The following KIAA1549L variants were observed in gnomAD, a reference collection of about 807,000 sequenced individuals.
The protein encoded by KIAA1549L is KIAA1549 like.
A neutral mutation model predicts 160.7 loss-of-function variants in KIAA1549L; 88 were observed. That is an observed-to-expected ratio of 0.55 (90% confidence interval 0.46 to 0.65). KIAA1549L has a LOEUF of 0.65. Ranked by LOEUF, KIAA1549L falls within the 30% of genes least tolerant of loss-of-function variation. KIAA1549L has a pLI of 0.00. For synonymous variants in KIAA1549L, 950 were observed against 976.7 expected (o/e 0.97, Z 0.51); for missense variants, 2,258 against 2,437.5 (o/e 0.93, Z 1.55).
At chr11:33,451,583 A>C (rs1851721872) in intron 1 of KIAA1549L, among the ~76,000 whole-genome samples, 1 of 152,200 alleles carries the variant, frequency 6.6e-6, no homozygotes, top group South Asian at 2.1e-4. Flanking sequence ...CTCTGAGTTA[A>C]TTTGTTTGCT....
In KIAA1549L at chr11:33,551,226, C is replaced by T. The variant is rs775182028; in HGVS notation, c.3688C>T (p.Pro1230Ser). The T allele has an allele frequency of 4.3e-6, 7 of 1,613,532 alleles. 1 individual carries two copies. Among genetic ancestry groups the T allele is most frequent in the African/African-American group, 4.0e-5 (3 of 75,036 alleles). ...SVAVLASPWNPQPAGYFQLKT... is the reference protein window; with the variant it reads ...SVAVLASPWNSQPAGYFQLKT... ...GGCAGTACTTGCCTCCCCATGGAAT[C>T]CCCAGCCTGCAGGCTACTTCCAGCT... Residue 1230 changes from proline to serine, a missense_variant, in exon 5 of 21, where the codon CCC becomes TCC. Physicochemically the swap from Pro to Ser is moderately conservative, Grantham distance 74. Transcript: ENST00000658780.
At chr11:33,615,282 C>A (rs1258007471) in intron 15 of KIAA1549L, among the ~76,000 whole-genome samples, 1 of 152,054 alleles carries the variant, frequency 6.6e-6, no homozygotes, top group Non-Finnish European at 1.5e-5. Context: ...TCTGTGGAAC[C>A]CCAGGGTTCC....
chr11:33,614,531 G>GCCATATATAT (rs879500574), intron 15 of KIAA1549L, among the ~76,000 whole-genome samples: 10 of 27,112 alleles, frequency 3.7e-4, no homozygotes, highest in South Asian at 2.0e-3. Context: ...AGTGTAACAA[G>GCCATATATAT]ATATATATAT....
chr11:33,497,792 A>G (rs976531126), intron 1 of KIAA1549L, among the ~76,000 whole-genome samples: 6 of 152,236 alleles, frequency 3.9e-5, no homozygotes, highest in Non-Finnish European at 8.8e-5. Context: ...TGTTGAAGAA[A>G]TATGTGTACA....
chr11:33,442,886 T>A (rs1590248376), intron 1 of KIAA1549L, among the ~76,000 whole-genome samples: 1 of 152,204 alleles, frequency 6.6e-6, no homozygotes, highest in Non-Finnish European at 1.5e-5. Context: ...TGCTGCACTC[T>A]GGGTAATTTC....
At chr11:33,442,478 G>A (rs1330176025) in intron 1 of KIAA1549L, among the ~76,000 whole-genome samples, 1 of 152,180 alleles carries the variant, frequency 6.6e-6, no homozygotes, top group African/African-American at 2.4e-5. Flanking sequence ...GTAGCTGACA[G>A]TTATTTTCTC....
chr11:33,657,926 G>T (rs936141446), intron 18 of KIAA1549L, among the ~76,000 whole-genome samples: 2 of 152,238 alleles, frequency 1.3e-5, no homozygotes, highest in Non-Finnish European at 2.9e-5. Context: ...GTGGCCCTGT[G>T]GGGGGCCAGG....
At chr11:33,507,831 C>T (rs983868983) in intron 1 of KIAA1549L, among the ~76,000 whole-genome samples, 10 of 152,082 alleles carry the variant, frequency 6.6e-5, no homozygotes, top group Non-Finnish European at 4.4e-5. Context: ...TGTTAGGGTT[C>T]GATTGCAGAC....
At chr11:33,640,658 G>A (rs556502127) in intron 16 of KIAA1549L, among the ~76,000 whole-genome samples, 1 of 152,216 alleles carries the variant, frequency 6.6e-6, no homozygotes, top group Admixed American at 6.5e-5. Context: ...GGATGTGCAC[G>A]ACGTAAAAAT....
intron 1 of KIAA1549L, among the ~76,000 whole-genome samples, chr11:33,470,699 C>T (rs181105238): frequency 2.0e-4 from 31 of 152,238 alleles, no homozygotes; most frequent in Admixed American, 5.2e-4. Context: ...CCAATCCACC[C>T]GCCTTGGCCT....
intron 16 of KIAA1549L, among the ~76,000 whole-genome samples, chr11:33,622,313 C>T (rs953233412): frequency 1.3e-5 from 2 of 152,138 alleles, no homozygotes; most frequent in Admixed American, 6.5e-5. Context: ...ACAAAATCAT[C>T]GGCGGGTTGA....
chr11:33,647,678 G>A (rs1011229306), intron 17 of KIAA1549L, among the ~76,000 whole-genome samples: 1 of 152,046 alleles, frequency 6.6e-6, no homozygotes, highest in Non-Finnish European at 1.5e-5. Flanking sequence ...TAGGAATCTG[G>A]GATGAGTTCT....
chr11:33,378,617 C>T (rs969636981), intron 1 of KIAA1549L, among the ~76,000 whole-genome samples: 4 of 152,178 alleles, frequency 2.6e-5, no homozygotes, highest in African/African-American at 9.6e-5. Context: ...CGTCTTTCTC[C>T]ATCTCATCCG....
intron 1 of KIAA1549L, among the ~76,000 whole-genome samples, chr11:33,530,722 G>T (rs376598303): frequency 6.6e-6 from 1 of 151,870 alleles, no homozygotes; most frequent in African/African-American, 2.4e-5. Context: ...CATTGTGGCC[G>T]CCCTACCTGC....
intron 9 of KIAA1549L, among the ~76,000 whole-genome samples, chr11:33,570,681 T>C (rs1312872789): frequency 6.6e-6 from 1 of 152,206 alleles, no homozygotes; most frequent in African/African-American, 2.4e-5. Flanking sequence ...GCTACCTTCA[T>C]GAATATGGAG....
chr11:33,484,108 A>G (rs1215712545), intron 1 of KIAA1549L, among the ~76,000 whole-genome samples: 1 of 152,112 alleles, frequency 6.6e-6, no homozygotes, highest in East Asian at 1.9e-4. Flanking sequence ...TCTTATTTCT[A>G]TAATTATTTT....
chr11:33,578,188 A>G (rs1855517874), intron 10 of KIAA1549L, among the ~76,000 whole-genome samples: 1 of 152,150 alleles, frequency 6.6e-6, no homozygotes, highest in African/African-American at 2.4e-5. Context: ...GGACGGGGTC[A>G]GGGGCTAGGA....
intron 1 of KIAA1549L, among the ~76,000 whole-genome samples, chr11:33,494,538 A>G (rs938765612): frequency 2.6e-5 from 4 of 152,252 alleles, no homozygotes; most frequent in Non-Finnish European, 5.9e-5. Flanking sequence ...TGTATAAATC[A>G]GGGACTTTGC....
At chr11:33,519,705 G>C (rs1053945662) in intron 1 of KIAA1549L, among the ~76,000 whole-genome samples, 1 of 152,032 alleles carries the variant, frequency 6.6e-6, no homozygotes, top group African/African-American at 2.4e-5. Context: ...TCTTTAGAGG[G>C]GGGTACATCA....
Sources: gnomAD v4.1 joint callset for allele counts (sites outside exome capture counted in the v4.1 genomes callset) on GRCh38, gnomAD v4.1.1 for gene constraint, MANE v1.5 for transcripts, NCBI Gene and HGNC (gene_info 2026-07-23, HGNC 2026-07-21) for gene names.